The following ANKRD30B variants were observed in gnomAD, a reference collection of about 807,000 sequenced individuals.
ANKRD30B encodes ankyrin repeat domain-containing protein 30B.
A neutral mutation model predicts 202.2 loss-of-function variants in ANKRD30B; 144 were observed. That is an observed-to-expected ratio of 0.71 (90% CI 0.62 to 0.82). The LOEUF (loss-of-function observed/expected upper bound fraction) is 0.82, where lower values mean the gene tolerates loss of function less well. Ranked by LOEUF, ANKRD30B falls within the 40% of genes least tolerant of loss-of-function variation. ANKRD30B has a pLI of 0.00. For missense variants in ANKRD30B, 1,487 were observed against 1,669.1 expected, an observed-to-expected ratio of 0.89 and a Z score of 1.90; for synonymous variants, 508 against 561.3, an observed-to-expected ratio of 0.91 and a Z score of 1.34.
downstream of ANKRD30B, among the ~76,000 whole-genome samples, chr18:14,858,684 C>T (rs1206677369): frequency 4.0e-4 from 56 of 141,210 alleles, 1 homozygote; most frequent in African/African-American, 6.8e-4. Context: ...ACATCCCAGA[C>T]GATGGGTGGC....
rs1256856900 is a variant in ANKRD30B, at chr18:14,842,880, T to C, written c.3080-17T>C. On this transcript the variant is annotated splice_polypyrimidine_tract_variant and intron_variant, in intron 37 of 43. Coordinates refer to ENST00000690538, the MANE Select transcript of ANKRD30B (RefSeq NM_001367607.2). The stretch of plus-strand genomic sequence containing the variant: ...ATATTTACTTATGACTGATAATAAA[T>C]CTCTTTTGCTTTTTAGAGTCTCCTG... 1 of 1,548,196 alleles carries C rather than the reference T, an allele frequency of 6.5e-7. No individual in the cohort carries two copies. Among genetic ancestry groups the C allele is most frequent in the Non-Finnish European group, 8.7e-7 (1 of 1,144,882 alleles).
chr18:14,824,974 G>A (rs1970602137), intron 32 of ANKRD30B, among the ~76,000 whole-genome samples: 1 of 152,182 alleles, frequency 6.6e-6, no homozygotes, highest in Middle Eastern at 3.2e-3. Flanking sequence ...ACAACAGTTT[G>A]CATTGTGTCC....
At chr18:14,872,221 G>T in the ANKRD30B span, among the ~76,000 whole-genome samples, 3 of 152,164 alleles carry the variant, frequency 2.0e-5, no homozygotes, top group South Asian at 6.2e-4. Context: ...GGTGCTGATG[G>T]TGAAATATTT....
At chr18:14,906,939 G>A in the ANKRD30B span, among the ~76,000 whole-genome samples, 2 of 151,958 alleles carry the variant, frequency 1.3e-5, no homozygotes, top group Admixed American at 6.6e-5. Flanking sequence ...GGGGGTCCAG[G>A]TTATAGGTAG....
At chr18:14,849,189 AT>A (rs921202332) in intron 40 of ANKRD30B, among the ~76,000 whole-genome samples, 3 of 151,860 alleles carry the variant, frequency 2.0e-5, no homozygotes, top group African/African-American at 4.8e-5. Flanking sequence ...TAGCAAATTA[AT>A]TTTTTTGATT....
At chr18:14,870,650 C>T in the ANKRD30B span, among the ~76,000 whole-genome samples, 5 of 152,132 alleles carry the variant, frequency 3.3e-5, no homozygotes, top group East Asian at 9.6e-4. Flanking sequence ...CTGCCTACAC[C>T]CTCTTCTATC....
chr18:14,786,754 T>G (rs1365606155), intron 14 of ANKRD30B, among the ~76,000 whole-genome samples: 1 of 152,186 alleles, frequency 6.6e-6, no homozygotes, highest in African/African-American at 2.4e-5. Flanking sequence ...CATACTGTGT[T>G]TTACAGGAGA....
At chr18:14,883,387 CTCT>C in the ANKRD30B span, 1 of 96,922 alleles carries the variant, frequency 1.0e-5, no homozygotes. Flanking sequence ...CTCTCTCTCT[CTCT>C]CTCTCTCTCT....
intron 28 of ANKRD30B, among the ~76,000 whole-genome samples, chr18:14,811,454 A>G (rs1341768745): frequency 2.0e-5 from 3 of 150,578 alleles, no homozygotes; most frequent in Non-Finnish European, 4.4e-5. Flanking sequence ...CTTGTAATCC[A>G]CCCACCTCGG....
chr18:14,832,527 C>A (rs948242342), intron 34 of ANKRD30B, among the ~76,000 whole-genome samples: 7 of 152,152 alleles, frequency 4.6e-5, no homozygotes, highest in Non-Finnish European at 1.0e-4. Flanking sequence ...GGAGCTCTTG[C>A]ATCACTATGA....
At chr18:14,793,896 G>GA (rs536175717) in intron 16 of ANKRD30B, among the ~76,000 whole-genome samples, 2,175 of 140,896 alleles carry the variant, frequency 0.015, 55 homozygotes, top group African/African-American at 0.051. Flanking sequence ...ACCGACAAAA[G>GA]AAAAAAAAAA....
chr18:14,890,079 A>T, the ANKRD30B span: 2 of 1,248,188 alleles, frequency 1.6e-6, no homozygotes, highest in East Asian at 4.7e-5. Context: ...CACTGTCCTG[A>T]TTTCCATGAT....
the ANKRD30B span, among the ~76,000 whole-genome samples, chr18:14,874,814 G>A: frequency 1.2e-4 from 18 of 152,294 alleles, no homozygotes; most frequent in African/African-American, 4.1e-4. Context: ...CCAGAAGATA[G>A]TATAGTTTGA....
intron 14 of ANKRD30B, among the ~76,000 whole-genome samples, chr18:14,785,272 A>G (rs762666426): frequency 3.3e-5 from 5 of 152,148 alleles, no homozygotes; most frequent in African/African-American, 9.7e-5. Context: ...ATTTTTTTCA[A>G]CTTCTAATGT....
At chr18:14,917,874 A>G in the ANKRD30B span, among the ~76,000 whole-genome samples, 1 of 152,176 alleles carries the variant, frequency 6.6e-6, no homozygotes, top group East Asian at 1.9e-4. Context: ...GAACAATTGC[A>G]TGATCACCTT....
chr18:14,788,768 C>T (rs1250600368), intron 15 of ANKRD30B, among the ~76,000 whole-genome samples: 2 of 151,814 alleles, frequency 1.3e-5, no homozygotes, highest in Non-Finnish European at 2.9e-5. Context: ...TGTATATGTG[C>T]CACATTTTCT....
At chr18:14,841,558 A>C (rs1971421403) in intron 37 of ANKRD30B, among the ~76,000 whole-genome samples, 1 of 152,218 alleles carries the variant, frequency 6.6e-6, no homozygotes, top group South Asian at 2.1e-4. Context: ...TAGTAATTAC[A>C]GATGTCAGAT....
intron 8 of ANKRD30B, among the ~76,000 whole-genome samples, chr18:14,771,666 A>G (rs1373133117): frequency 6.6e-6 from 1 of 152,208 alleles, no homozygotes; most frequent in East Asian, 1.9e-4. Context: ...AAAACAAAGA[A>G]TGTCATTTTC....
chr18:14,783,516 A>G (rs1967883907), intron 12 of ANKRD30B, among the ~76,000 whole-genome samples: 1 of 152,128 alleles, frequency 6.6e-6, no homozygotes, highest in Non-Finnish European at 1.5e-5. Flanking sequence ...TGCCATTCCA[A>G]AAAAATTTAT....
Sources: allele counts gnomAD v4.1 joint callset (sites outside exome capture counted in the v4.1 genomes callset), GRCh38; gene constraint gnomAD v4.1.1; transcripts MANE v1.5; gene names NCBI Gene and HGNC (gene_info 2026-07-23, HGNC 2026-07-21).